Variants in OSBPL1A observed in about 807,000 individuals in gnomAD.
The protein encoded by OSBPL1A is oxysterol binding protein like 1A, also known as oxysterol-binding protein-related protein 1.
In OSBPL1A, 80 loss-of-function variants were observed where a neutral mutation model predicts 137.1. The ratio of observed to expected loss-of-function variants is 0.58; its 90% confidence interval spans 0.49 to 0.70. The LOEUF is 0.70. Ranked by LOEUF, OSBPL1A falls within the 30% of genes least tolerant of loss-of-function variation. OSBPL1A has a pLI of 0.00. For synonymous variants in OSBPL1A, 365 were observed against 389.7 expected (o/e 0.94, Z 0.75); for missense variants, 970 against 1,129.4 (o/e 0.86, Z 2.02).
intron 1 of OSBPL1A, among the ~76,000 whole-genome samples, chr18:24,390,418 C>T (rs1454798286): frequency 6.6e-6 from 1 of 152,100 alleles, no homozygotes; most frequent in East Asian, 1.9e-4. Context: ...GAAGGATGGG[C>T]GTGGTGGCTC....
intron 15 of OSBPL1A, among the ~76,000 whole-genome samples, chr18:24,265,353 G>A (rs532209889): frequency 6.6e-5 from 10 of 152,230 alleles, no homozygotes; most frequent in Admixed American, 2.6e-4. Flanking sequence ...GGTGGCATGC[G>A]CCTGTAGTCC....
At chr18:24,312,297 T>C (rs181124434) in intron 12 of OSBPL1A, among the ~76,000 whole-genome samples, 191 bp from the exon 13 acceptor site, 65 of 152,316 alleles carry the variant, frequency 4.3e-4, no homozygotes, top group Non-Finnish European at 8.1e-4. Flanking sequence ...GATAAAAGCT[T>C]TTCCTAGTAC....
intron 17 of OSBPL1A, among the ~76,000 whole-genome samples, chr18:24,208,700 G>A (rs574354168): frequency 6.6e-6 from 1 of 152,202 alleles, no homozygotes; most frequent in South Asian, 2.1e-4. Flanking sequence ...CTGTAATATA[G>A]GTACTTAGCA....
Position 24,333,074 on chromosome 18 carries a change from T to C in OSBPL1A, c.493A>G (p.Asn165Asp), listed in dbSNP as rs2091112948. 6.2e-7 allele frequency: 1 copy of C among 1,613,224 alleles called. No homozygotes were observed. The highest frequency in any genetic ancestry group is 1.7e-5 in the Admixed American group (1 of 59,758). The change falls in exon 7 of 28, where the codon AAT becomes GAT. Residue 165 changes from asparagine to aspartate, a missense_variant. Physicochemically the swap from Asn to Asp is conservative, Grantham distance 23. Coordinates refer to ENST00000319481, the MANE Select transcript of OSBPL1A (RefSeq NM_080597.4). ...TELTALLNRP[N>D]PPDVNCSDQL... ...TCCGAACAGTTAACATCAGGAGGAT[T>C]GGGCCTGTTGAGCTAACAATTAAAA...
rs2086175237 is a variant in OSBPL1A, at chr18:24,167,567, T to C, written c.2419-122A>G. The C allele has an allele frequency of 5.1e-6, 4 of 784,330 alleles. No homozygotes were observed. The South Asian group carries it at 6.3e-5, about 12-fold the overall frequency. 48.6% of individuals were successfully genotyped at this position (784,330 alleles called of 1,614,324 possible). ...ATATGATGGCAGTCCCCTAAGGTTA[T>C]AGCGGAGCATGTATAGAAATCTGCT... On this transcript the variant is annotated intron_variant, in intron 24 of 27. Transcript: ENST00000319481.
Position 24,314,291 on chromosome 18 carries a change from A to G in OSBPL1A, c.927T>C (p.His309=). 1 of 1,612,246 alleles carries G rather than the reference A, an allele frequency of 6.2e-7. No homozygotes were observed. Among genetic ancestry groups the G allele is most frequent in the East Asian group, 2.2e-5 (1 of 44,828 alleles). Residue 309 remains histidine (H), a synonymous_variant, in exon 12 of 28, where the codon CAT becomes CAC. Coordinates refer to ENST00000319481, the MANE Select transcript of OSBPL1A (RefSeq NM_080597.4). ...GGCTATTCTTAGGAACCCGGAAGCC[A>G]TGAATGGTGTCATCAAAGCATTTAA... ...FFIKCFDDTI[H]GFRVPKNSLQ...
chr18:24,320,960 C>T (rs748534926), intron 7 of OSBPL1A, among the ~76,000 whole-genome samples: 4 of 145,422 alleles, frequency 2.8e-5, no homozygotes, highest in African/African-American at 5.2e-5. Flanking sequence ...ACCTGAGAGG[C>T]GGAGTTGCAG....
intron 14 of OSBPL1A, among the ~76,000 whole-genome samples, chr18:24,284,294 C>A (rs987362004): frequency 2.8e-4 from 42 of 152,040 alleles, no homozygotes; most frequent in African/African-American, 9.9e-4. Context: ...TACGTTTTAG[C>A]TGGTTAATAT....
At chr18:24,378,597 A>C (rs1308522785) in intron 1 of OSBPL1A, among the ~76,000 whole-genome samples, 1 of 152,228 alleles carries the variant, frequency 6.6e-6, no homozygotes, top group Non-Finnish European at 1.5e-5. Flanking sequence ...TGGAAAAGTT[A>C]GAAACCACTC....
intron 15 of OSBPL1A, among the ~76,000 whole-genome samples, chr18:24,259,128 CG>C (rs1348930522): frequency 6.6e-6 from 1 of 151,778 alleles, no homozygotes; most frequent in Non-Finnish European, 1.5e-5. Context: ...ACCATGGTCT[CG>C]ATCTCCTGAC....
At chr18:24,383,730 G>C (rs935120975) in intron 1 of OSBPL1A, among the ~76,000 whole-genome samples, 3 of 152,228 alleles carry the variant, frequency 2.0e-5, no homozygotes, top group African/African-American at 7.2e-5. Context: ...CTCCAGCCTG[G>C]TGACAGGGCA....
intron 14 of OSBPL1A, among the ~76,000 whole-genome samples, chr18:24,287,492 G>A (rs1208540059): frequency 2.6e-5 from 4 of 152,156 alleles, no homozygotes; most frequent in African/African-American, 9.7e-5. Flanking sequence ...GCAGAAGTAG[G>A]CCAGGCATGG....
intron 16 of OSBPL1A, among the ~76,000 whole-genome samples, chr18:24,228,214 C>T (rs913353934): frequency 2.0e-5 from 3 of 151,870 alleles, no homozygotes; most frequent in Non-Finnish European, 4.4e-5. Context: ...ATTAGCAGCC[C>T]GACTCACCCC....
intron 13 of OSBPL1A, among the ~76,000 whole-genome samples, chr18:24,309,506 G>A (rs975386089): frequency 2.0e-5 from 3 of 152,128 alleles, no homozygotes; most frequent in African/African-American, 7.2e-5. Context: ...AATCAGTTTT[G>A]TTGTTAATTC....
At chr18:24,314,467 G>GTA in intron 11 of OSBPL1A, 120 bp from the exon 12 acceptor site, 2 of 601,678 alleles carry the variant, frequency 3.3e-6, no homozygotes, top group Admixed American at 3.4e-5. Context: ...GAACACTTAA[G>GTA]TATTGACAGA....
intron 1 of OSBPL1A, among the ~76,000 whole-genome samples, 155 bp from the exon 2 acceptor site, chr18:24,377,690 G>A (rs973419734): frequency 2.8e-4 from 42 of 152,344 alleles, no homozygotes; most frequent in African/African-American, 1.0e-3. Context: ...GAGAACTTGA[G>A]CCTGAGACCC....
At chr18:24,357,022 C>A (rs1451813203) in intron 4 of OSBPL1A, 1 of 152,200 alleles carries the variant, frequency 6.6e-6, no homozygotes, top group African/African-American at 2.4e-5. Flanking sequence ...CAAGAGTATA[C>A]ATGTACAGCT....
At position 24,318,748 on chromosome 18, in the gene OSBPL1A, C is replaced by A. The variant is rs1164951297; in HGVS notation, c.687G>T (p.Lys229Asn). ...ATAAATTTAATTCATTACTCTGTAC[C>A]TTATTACCAACAAGAATGTGTTTCA... ...AEMKHILVGNKVIYKALKRYE... is the reference protein window; with the variant it reads ...AEMKHILVGNNVIYKALKRYE... Residue 229 changes from lysine to asparagine, a missense_variant and splice_region_variant, in exon 8 of 28, where the codon AAG becomes AAT. Coordinates refer to ENST00000319481, the MANE Select transcript of OSBPL1A (RefSeq NM_080597.4). 1 of 1,611,882 alleles carries A rather than the reference C, an allele frequency of 6.2e-7. No individual in the cohort carries two copies. Among genetic ancestry groups the A allele is most frequent in the African/African-American group, 1.3e-5 (1 of 74,794 alleles).
intron 14 of OSBPL1A, among the ~76,000 whole-genome samples, chr18:24,289,756 C>T (rs1486015715): frequency 1.3e-5 from 2 of 152,060 alleles, no homozygotes; most frequent in East Asian, 1.9e-4. Context: ...AGCCAGGCTG[C>T]CCAGGGCCAA....
Sources: gnomAD v4.1 joint callset for allele counts (sites outside exome capture counted in the v4.1 genomes callset) on GRCh38, gnomAD v4.1.1 for gene constraint, MANE v1.5 for transcripts, NCBI Gene and HGNC (gene_info 2026-07-23, HGNC 2026-07-21) for gene names.